CNOT6L: variants seen among roughly 807,000 people sequenced by gnomAD.
CNOT6L encodes CCR4-NOT transcription complex subunit 6 like.
A neutral mutation model predicts 64.0 loss-of-function variants in CNOT6L; 7 were observed. The ratio of observed to expected loss-of-function variants is 0.11; its 90% confidence interval spans 0.06 to 0.21. The LOEUF (loss-of-function observed/expected upper bound fraction) is 0.21, where lower values mean the gene tolerates loss of function less well. Ranked by LOEUF, CNOT6L falls within the 10% of genes least tolerant of loss-of-function variation. The pLI is 1.00. For missense variants in CNOT6L, 245 were observed against 669.0 expected, an observed-to-expected ratio of 0.37 and a Z score of 6.99; for synonymous variants, 193 against 243.4, an observed-to-expected ratio of 0.79 and a Z score of 1.93.
intron 8 of CNOT6L, among the ~76,000 whole-genome samples, chr4:77,740,447 A>G (rs926526816): frequency 1.3e-5 from 2 of 152,158 alleles, no homozygotes; most frequent in African/African-American, 4.8e-5. Flanking sequence ...GGTATTAGTG[A>G]TATCAAAAGC....
At chr4:77,728,683 C>A (rs1056983393) in intron 10 of CNOT6L, among the ~76,000 whole-genome samples, 171 bp downstream of exon 10, 1 of 152,162 alleles carries the variant, frequency 6.6e-6, no homozygotes, top group Admixed American at 6.5e-5. Context: ...CCAGGCAACA[C>A]CTTTGGTAAT....
At chr4:77,763,878 C>A (rs76469198) in intron 4 of CNOT6L, among the ~76,000 whole-genome samples, 4 of 152,106 alleles carry the variant, frequency 2.6e-5, no homozygotes, top group Admixed American at 2.0e-4. Flanking sequence ...TTTTAAATAA[C>A]CGACAAGTCA....
intron 11 of CNOT6L, among the ~76,000 whole-genome samples, chr4:77,725,519 A>C (rs909416821): frequency 6.6e-6 from 1 of 152,210 alleles, no homozygotes; most frequent in Non-Finnish European, 1.5e-5. Context: ...CTTTCTAAAG[A>C]ATAGCTGGTC....
At chr4:77,723,362 G>A (rs1721492635) in intron 11 of CNOT6L, among the ~76,000 whole-genome samples, 1 of 152,128 alleles carries the variant, frequency 6.6e-6, no homozygotes, top group African/African-American at 2.4e-5. Flanking sequence ...ACTAAGCTAA[G>A]CAAACAAAAT....
At chr4:77,819,384 C>G (rs1734040680), upstream of CNOT6L, 2 of 1,609,486 alleles carry the variant, frequency 1.2e-6, no homozygotes, top group Non-Finnish European at 1.7e-6. Context: ...CACGCGCGCG[C>G]GCGCGCACCA....
At chr4:77,818,882 G>A (rs1178461056) in intron 1 of CNOT6L, 6 of 405,080 alleles carry the variant, frequency 1.5e-5, no homozygotes, top group African/African-American at 8.7e-5. Context: ...TCAGCGGCGC[G>A]GCACCGACCA....
In CNOT6L at chr4:77,744,814, A is replaced by G; in HGVS notation, c.621T>C (p.Tyr207=). 1 of 1,613,504 alleles carries G rather than the reference A, an allele frequency of 6.2e-7. No homozygotes were observed. Among genetic ancestry groups the G allele is most frequent in the Non-Finnish European group, 8.5e-7 (1 of 1,179,612 alleles). The stretch of plus-strand genomic sequence containing the variant: ...TTAATGCCCAGGATGGGCAATAGCC[A>G]TATAGCTGCCGGGTAGCGTATTTAT... ...LCDKYATRQL[Y]GYCPSWALNW... is the part of the protein sequence containing the mutation. The change falls in exon 7 of 12, where the codon TAT becomes TAC. Residue 207 remains tyrosine, a synonymous_variant. Transcript: ENST00000504123.
intron 4 of CNOT6L, among the ~76,000 whole-genome samples, chr4:77,763,136 C>A (rs992945168): frequency 6.6e-6 from 1 of 151,964 alleles, no homozygotes; most frequent in Non-Finnish European, 1.5e-5. Context: ...AAATTACCCA[C>A]AGTGGAATCA....
intron 4 of CNOT6L, among the ~76,000 whole-genome samples, chr4:77,767,308 G>A (rs1726959969): frequency 1.3e-5 from 2 of 152,010 alleles, no homozygotes; most frequent in South Asian, 4.1e-4. Flanking sequence ...AAATTCCAGA[G>A]TTCAAACAGA....
intron 4 of CNOT6L, among the ~76,000 whole-genome samples, chr4:77,760,622 A>G (rs1012299313): frequency 1.3e-5 from 2 of 151,924 alleles, no homozygotes; most frequent in Non-Finnish European, 2.9e-5. Context: ...TTTGAAAAAG[A>G]GGCAATAAAA....
intron 1 of CNOT6L, among the ~76,000 whole-genome samples, chr4:77,802,452 T>G (rs2110147973): frequency 6.6e-6 from 1 of 152,350 alleles, no homozygotes; most frequent in Non-Finnish European, 1.5e-5. Flanking sequence ...AAACATAAAT[T>G]ACTTCCTAAT....
intron 1 of CNOT6L, among the ~76,000 whole-genome samples, chr4:77,789,433 T>C (rs533303387): frequency 1.3e-5 from 2 of 152,076 alleles, no homozygotes; most frequent in South Asian, 2.1e-4. Context: ...GTTTAGCACA[T>C]TGGGAGGCTG....
chr4:77,779,068 A>AAC (rs1728527699), intron 1 of CNOT6L, among the ~76,000 whole-genome samples: 2 of 105,294 alleles, frequency 1.9e-5, no homozygotes, highest in Admixed American at 1.0e-4. Flanking sequence ...AAAAACAAAA[A>AAC]AAAAACACAA....
At chr4:77,772,977 A>T in intron 4 of CNOT6L, 104 bp downstream of exon 4, 1 of 678,100 alleles carries the variant, frequency 1.5e-6, no homozygotes, top group African/African-American at 1.9e-5. Context: ...GAGAAAGTAC[A>T]CGTAGTCACA....
chr4:77,797,125 A>AAAAAAAAT (rs1730951707), intron 1 of CNOT6L, among the ~76,000 whole-genome samples: 1 of 151,006 alleles, frequency 6.6e-6, no homozygotes, highest in Non-Finnish European at 1.5e-5. Flanking sequence ...AAAAAAAAAA[A>AAAAAAAAT]ACTGCCAAGG....
At chr4:77,734,517 G>A (rs12643960) in intron 8 of CNOT6L, among the ~76,000 whole-genome samples, 119,886 of 152,098 alleles carry the variant, frequency 0.79, 48,064 homozygotes, top group Non-Finnish European at 0.86. Flanking sequence ...AGTTACTTAC[G>A]TATTTTAACT....
chr4:77,745,809 C>T (rs954351172), intron 6 of CNOT6L, among the ~76,000 whole-genome samples: 1 of 152,148 alleles, frequency 6.6e-6, no homozygotes, highest in Non-Finnish European at 1.5e-5. Context: ...AATGAACAGA[C>T]ATGGTTGAGA....
At chr4:77,758,611 G>A (rs1230464300) in intron 4 of CNOT6L, among the ~76,000 whole-genome samples, 1 of 152,134 alleles carries the variant, frequency 6.6e-6, no homozygotes, top group East Asian at 1.9e-4. Context: ...CAACTTACTG[G>A]CAGCAGAAGT....
intron 11 of CNOT6L, among the ~76,000 whole-genome samples, chr4:77,721,295 A>G (rs1205536636): frequency 1.3e-5 from 2 of 152,214 alleles, no homozygotes; most frequent in Non-Finnish European, 2.9e-5. Context: ...TTCAGCAGGA[A>G]GCCATACATA....
Sources: gnomAD v4.1 joint callset for allele counts (sites outside exome capture counted in the v4.1 genomes callset) on GRCh38, gnomAD v4.1.1 for gene constraint, MANE v1.5 for transcripts, NCBI Gene and HGNC (gene_info 2026-07-23, HGNC 2026-07-21) for gene names.